Variants in RASSF4 observed in about 807,000 individuals in gnomAD.
RASSF4 encodes Ras association domain family member 4, also known as ras association domain-containing protein 4.
In RASSF4, 38 loss-of-function variants were observed where a neutral mutation model predicts 41.1. The ratio of observed to expected loss-of-function variants is 0.92; its 90% CI spans 0.71 to 1.21. RASSF4 has a LOEUF of 1.21. Ranked by LOEUF, RASSF4 falls within the 50% of genes most tolerant of loss-of-function variation. RASSF4 has a pLI of 0.00. For missense variants in RASSF4, 414 were observed against 419.4 expected (o/e 0.99, Z 0.11); for synonymous variants, 179 against 163.4 (o/e 1.10, Z -0.73).
In RASSF4 at chr10:44,984,860, A is replaced by G; in HGVS notation, c.421A>G (p.Ser141Gly). 1 of 1,613,658 alleles carries G rather than the reference A, an allele frequency of 6.2e-7. No homozygotes were observed. Among genetic ancestry groups the G allele is most frequent in the Non-Finnish European group, 8.5e-7 (1 of 1,180,008 alleles). Residue 141 changes from serine (S) to glycine (G), a missense_variant, in exon 6 of 11, where the codon AGC becomes GGC. By Grantham distance (56) the Ser-to-Gly change is moderately conservative. Coordinates refer to ENST00000340258, the MANE Select transcript of RASSF4 (RefSeq NM_032023.4). Reference protein sequence around the residue: ...EEAPQLMRTKSDASCMSQRRP... With the variant: ...EEAPQLMRTKGDASCMSQRRP... ...GGCCCCCCAGCTGATGCGGACCAAG[A>G]GCGACGCCAGTTGCATGAGCCAGAG...
intron 1 of RASSF4, among the ~76,000 whole-genome samples, chr10:44,964,921 C>T (rs1267139033): frequency 6.6e-6 from 1 of 152,186 alleles, no homozygotes; most frequent in Non-Finnish European, 1.5e-5. Flanking sequence ...GGCGCAAGCA[C>T]AGTGTTGAGA....
At position 44,993,255 on chromosome 10, in the gene RASSF4, A is replaced by G. The variant is rs1842187037; in HGVS notation, c.906-14A>G. Reference sequence around the variant, plus strand: ...CTGGCCTCAGTGAGTCCTCTTGGCGATGTCTCCCTCCAGGTTCCAAGCCCT... The same window carrying G: ...CTGGCCTCAGTGAGTCCTCTTGGCGGTGTCTCCCTCCAGGTTCCAAGCCCT... On this transcript the variant is annotated splice_polypyrimidine_tract_variant and intron_variant, in intron 10 of 10. Coordinates refer to ENST00000340258, the MANE Select transcript of RASSF4 (RefSeq NM_032023.4). The G allele has an allele frequency of 1.9e-6, 3 of 1,609,618 alleles. No homozygotes were observed. Among genetic ancestry groups the G allele is most frequent in the Non-Finnish European group, 2.5e-6 (3 of 1,179,224 alleles).
In RASSF4 at chr10:44,971,792, C is replaced by T. The variant is rs1393716193; in HGVS notation, c.82C>T (p.Leu28=). The change falls in exon 3 of 11, where the codon CTG becomes TTG. Residue 28 remains leucine, a synonymous_variant. Coordinates refer to ENST00000340258, the MANE Select transcript of RASSF4 (RefSeq NM_032023.4). The stretch of plus-strand genomic sequence containing the variant: ...TTTTAGGTCGGAGCTCTTAGGCCTG[C>T]TGAAAACCTACAACTGCTACCATGA... ...SIQKSELLGL[L]KTYNCYHEGK... 6.8e-6 allele frequency: 11 copies of T among 1,613,808 alleles called. No individual in the cohort carries two copies. The highest frequency in any genetic ancestry group is 1.3e-5 in the African/African-American group (1 of 74,930).
At chr10:44,967,911 G>C (rs1478196018) in intron 1 of RASSF4, among the ~76,000 whole-genome samples, 2 of 152,180 alleles carry the variant, frequency 1.3e-5, no homozygotes, top group Non-Finnish European at 1.5e-5. Context: ...TCTGGCAAGG[G>C]TTTCCAGGAG....
chr10:44,964,011 A>C (rs1458658481), intron 1 of RASSF4, among the ~76,000 whole-genome samples: 1 of 152,180 alleles, frequency 6.6e-6, no homozygotes, highest in African/African-American at 2.4e-5. Context: ...GCCTGTAGGA[A>C]TTGGGCCCCG....
At chr10:44,977,380 A>C (rs777842278) in intron 3 of RASSF4, 4 of 1,554,818 alleles carry the variant, frequency 2.6e-6, no homozygotes, top group Non-Finnish European at 3.5e-6. Flanking sequence ...AGAAGCCTTT[A>C]CTGGGGAGGG....
rs748553888 is a variant in RASSF4 at position 44,983,821 on chromosome 10, G to A, written c.282-201G>A. On this transcript the variant is annotated intron_variant, in intron 4 of 10. Coordinates refer to ENST00000340258, the MANE Select transcript of RASSF4 (RefSeq NM_032023.4). Reference sequence around the variant, plus strand: ...GTCTGCAGGGCCAGGCTCACTCTCCGTCCAGCAGATGCTGGGGGGAGGCCT... The same window carrying A: ...GTCTGCAGGGCCAGGCTCACTCTCCATCCAGCAGATGCTGGGGGGAGGCCT... 3.2e-4 allele frequency: 270 copies of A among 849,546 alleles called. 4 individuals carry two copies. In the South Asian group the frequency reaches 3.4e-3, roughly 11 times the overall value. 52.6% of individuals were successfully genotyped at this position (849,546 alleles called of 1,614,324 possible). A position where few individuals can be genotyped will look rare whatever the true frequency, so the allele number is the denominator to read the frequency against.
Position 44,991,950 on chromosome 10 carries a change from G to A in RASSF4, c.853G>A (p.Val285Ile), listed in dbSNP as rs137974061. The A allele has an allele frequency of 2.5e-6, 4 of 1,613,708 alleles. No homozygotes were observed. The East Asian group carries it at 6.7e-5, about 27-fold the overall frequency. Residue 285 changes from valine to isoleucine, a missense_variant, in exon 10 of 11, where the codon GTT (valine) becomes ATT (isoleucine). By Grantham distance (29) the Val-to-Ile change is conservative. Coordinates refer to ENST00000340258, the MANE Select transcript of RASSF4 (RefSeq NM_032023.4). ...KFEMPVLDSF[V>I]EKLKEEEERE... ...TGAAATGCCGGTGCTGGACAGTTTT[G>A]TTGAAAAATTAAAAGAAGAGGAAGA...
At chr10:44,991,797 T>G in intron 9 of RASSF4, 108 bp from the exon 10 acceptor site, 3 of 710,962 alleles carry the variant, frequency 4.2e-6, no homozygotes, top group Non-Finnish European at 7.3e-6. Flanking sequence ...GCTCCTTCTG[T>G]GGATACAAGA....
At chr10:44,983,844 C>A in intron 4 of RASSF4, 178 bp from the exon 5 acceptor site, 1 of 1,075,696 alleles carries the variant, frequency 9.3e-7, no homozygotes. Context: ...TGGGGGGAGG[C>A]CTCTACTTTT....
chr10:44,984,613 C>T, intron 5 of RASSF4, 200 bp from the exon 6 acceptor site: 1 of 632,024 alleles, frequency 1.6e-6, no homozygotes, highest in Non-Finnish European at 2.8e-6. Context: ...GACATTGTGA[C>T]CCAGGTTACC....
chr10:44,977,786 A>T lies in RASSF4; in HGVS notation c.139-4735A>T, dbSNP rs769540707. The T allele has an allele frequency of 1.7e-5, 27 of 1,601,604 alleles. 1 individual carries two copies. The South Asian group carries it at 3.0e-4, about 18-fold the overall frequency. ...ACTGAAACGTGCGGTGATGTCTCGCAGGGACACAGCAGGGCGGCCCTTCCG... is the reference window on the plus strand; with the variant it reads ...ACTGAAACGTGCGGTGATGTCTCGCTGGGACACAGCAGGGCGGCCCTTCCG... On this transcript the variant is annotated intron_variant, in intron 3 of 10. Coordinates refer to ENST00000340258, the MANE Select transcript of RASSF4 (RefSeq NM_032023.4).
chr10:44,980,863 A>G (rs1841680149), intron 3 of RASSF4: 2 of 152,162 alleles, frequency 1.3e-5, no homozygotes, highest in African/African-American at 4.8e-5. Flanking sequence ...TTTGAACTCC[A>G]TAGATCCATG....
intron 3 of RASSF4, chr10:44,977,638 G>C (rs1841498955): frequency 6.2e-7 from 1 of 1,612,848 alleles, no homozygotes; most frequent in African/African-American, 1.3e-5. Flanking sequence ...GACCCCAGAG[G>C]CCAGCAGAGG....
chr10:44,986,186 G>A (rs1440318379), intron 6 of RASSF4, among the ~76,000 whole-genome samples: 1 of 152,188 alleles, frequency 6.6e-6, no homozygotes, highest in African/African-American at 2.4e-5. Flanking sequence ...ACCAAAAAAA[G>A]GGTGGGGGCA....
intron 1 of RASSF4, among the ~76,000 whole-genome samples, chr10:44,963,103 G>A (rs1840769057): frequency 6.6e-6 from 1 of 152,054 alleles, no homozygotes; most frequent in South Asian, 2.1e-4. Context: ...AGGTGGAGGG[G>A]AGCTCTGTGC....
intron 4 of RASSF4, chr10:44,983,149 A>G (rs140835247): frequency 3.8e-5 from 14 of 363,832 alleles, no homozygotes; most frequent in Non-Finnish European, 2.2e-5. Context: ...TGCCTGCCTT[A>G]CCATTCAATG....
In RASSF4 at chr10:44,973,239, G is replaced by A. The variant is rs181639343; in HGVS notation, c.138+1391G>A. 5.9e-5 allele frequency among the ~76,000 whole-genome samples: 9 copies of A among 152,296 alleles called. No homozygotes were observed. In the East Asian group the frequency reaches 7.7e-4, roughly 13 times the overall value. The stretch of plus-strand genomic sequence containing the variant: ...GCCCCCATCCTGCACTCCCCAGGCC[G>A]GGCACCCTGTGGGTCCCTGTGCAGA... On this transcript the variant is annotated intron_variant, in intron 3 of 10. Coordinates refer to ENST00000340258, the MANE Select transcript of RASSF4 (RefSeq NM_032023.4).
intron 3 of RASSF4, 185 bp from the exon 4 acceptor site, chr10:44,982,336 C>T (rs1841742446): frequency 2.7e-6 from 2 of 731,030 alleles, no homozygotes; most frequent in South Asian, 3.1e-5. Flanking sequence ...ATCTCAGGCT[C>T]CCTCCCACAG....
Sources: gnomAD v4.1 joint callset for allele counts (sites outside exome capture counted in the v4.1 genomes callset) on GRCh38, gnomAD v4.1.1 for gene constraint, MANE v1.5 for transcripts, NCBI Gene and HGNC (gene_info 2026-07-23, HGNC 2026-07-21) for gene names.